KCND3: variants seen among roughly 807,000 people sequenced by gnomAD.
The protein encoded by KCND3 is A-type voltage-gated potassium channel KCND3.
A neutral mutation model predicts 51.1 loss-of-function variants in KCND3; 9 were observed. The ratio of observed to expected loss-of-function variants is 0.18; its 90% CI spans 0.11 to 0.31. The LOEUF (loss-of-function observed/expected upper bound fraction) is 0.31. Among genes scored for constraint, KCND3 ranks in the 10% least tolerant of loss-of-function variants. KCND3 has a pLI of 1.00. For missense variants in KCND3, 526 were observed against 903.8 expected, an observed-to-expected ratio of 0.58 and a Z score of 5.36; for synonymous variants, 349 against 368.0, an observed-to-expected ratio of 0.95 and a Z score of 0.59.
intron 2 of KCND3, among the ~76,000 whole-genome samples, chr1:111,879,405 C>G (rs1226760950): frequency 3.3e-5 from 5 of 152,182 alleles, no homozygotes; most frequent in Non-Finnish European, 7.3e-5. Context: ...CAAATGGCCC[C>G]TGAAATACAG....
chr1:111,839,349 C>T (rs750539879), intron 2 of KCND3, among the ~76,000 whole-genome samples: 3 of 152,190 alleles, frequency 2.0e-5, no homozygotes, highest in Middle Eastern at 3.2e-3. Flanking sequence ...TTTTATTTTC[C>T]TCACTCTTCT....
chr1:111,957,949 G>A (rs1425714597), intron 2 of KCND3, among the ~76,000 whole-genome samples: 2 of 152,208 alleles, frequency 1.3e-5, no homozygotes, highest in Non-Finnish European at 2.9e-5. Flanking sequence ...AAAGAGGGGG[G>A]AAAGCACTCT....
intron 2 of KCND3, among the ~76,000 whole-genome samples, chr1:111,963,026 T>C (rs1002463489): frequency 6.6e-6 from 1 of 152,124 alleles, no homozygotes; most frequent in Admixed American, 6.6e-5. Context: ...TCACCTCTCT[T>C]TGTTGCCCCA....
At chr1:111,838,429 G>A (rs983248746) in intron 2 of KCND3, among the ~76,000 whole-genome samples, 1 of 152,128 alleles carries the variant, frequency 6.6e-6, no homozygotes, top group Non-Finnish European at 1.5e-5. Flanking sequence ...AGGCCAAGGC[G>A]GGCGGATCAC....
At chr1:111,819,318 C>A (rs1176891319) in intron 2 of KCND3, among the ~76,000 whole-genome samples, 2 of 151,854 alleles carry the variant, frequency 1.3e-5, no homozygotes, top group African/African-American at 4.8e-5. Flanking sequence ...CTTCTTCCCT[C>A]TGAAGAACCA....
chr1:111,794,364 A>T lies in KCND3; in HGVS notation c.1107-7258T>A, dbSNP rs564155629. ...TTTTGCCTGCCTCTCAGGTGGGGGC[A>T]CGGCTGCCTGTGTGGTGGGGAGTCC... On this transcript the variant is annotated intron_variant, in intron 2 of 7. Coordinates refer to ENST00000302127, the MANE Select transcript of KCND3 (RefSeq NM_001378969.1). Among the ~76,000 whole-genome samples the T allele has an allele frequency of 3.9e-5, 6 of 152,322 alleles. No homozygotes were observed. In the East Asian group the frequency reaches 1.2e-3, roughly 29 times the overall value.
chr1:111,835,956 C>T (rs776165026), intron 2 of KCND3, among the ~76,000 whole-genome samples: 3 of 152,140 alleles, frequency 2.0e-5, no homozygotes, highest in Non-Finnish European at 4.4e-5. Flanking sequence ...GGATCAGAAC[C>T]CCTTTCTGGT....
At chr1:111,870,898 T>C (rs559467573) in intron 2 of KCND3, among the ~76,000 whole-genome samples, 2 of 152,252 alleles carry the variant, frequency 1.3e-5, no homozygotes, top group Admixed American at 1.3e-4. Flanking sequence ...CTAGTAGGGA[T>C]ATAACAGTAG....
intron 2 of KCND3, among the ~76,000 whole-genome samples, chr1:111,874,347 G>A (rs947388093): frequency 1.3e-5 from 2 of 152,136 alleles, no homozygotes; most frequent in Admixed American, 6.5e-5. Flanking sequence ...ATTCAAATAC[G>A]CTGTTCTTTC....
chr1:111,859,743 G>C (rs1668249935), intron 2 of KCND3, among the ~76,000 whole-genome samples: 3 of 152,152 alleles, frequency 2.0e-5, no homozygotes, highest in African/African-American at 7.2e-5. Flanking sequence ...TGAAAGCTGA[G>C]CCCTATTAAA....
intron 2 of KCND3, among the ~76,000 whole-genome samples, chr1:111,872,389 C>T (rs964644480): frequency 6.6e-6 from 1 of 152,190 alleles, no homozygotes; most frequent in African/African-American, 2.4e-5. Context: ...CACTGAAGAA[C>T]CTTGTTTAAT....
chr1:111,793,472 C>T (rs763303190), intron 2 of KCND3, among the ~76,000 whole-genome samples: 124 of 152,304 alleles, frequency 8.1e-4, no homozygotes, highest in Non-Finnish European at 1.5e-3. Context: ...CCACCGCGCC[C>T]GGCCAGAAGC....
At chr1:111,983,013 C>T (rs191262688) in intron 1 of KCND3, among the ~76,000 whole-genome samples, 43 of 152,196 alleles carry the variant, frequency 2.8e-4, no homozygotes, top group African/African-American at 9.6e-4. Flanking sequence ...AGGGTGGGAT[C>T]GCCAGATGTT....
chr1:111,817,898 G>T (rs1197491958), intron 2 of KCND3, among the ~76,000 whole-genome samples: 1 of 152,224 alleles, frequency 6.6e-6, no homozygotes, highest in Non-Finnish European at 1.5e-5. Flanking sequence ...ATAAGAAGCT[G>T]TAATTAGTTT....
At chr1:111,836,331 A>T (rs2101630575) in intron 2 of KCND3, among the ~76,000 whole-genome samples, 1 of 152,292 alleles carries the variant, frequency 6.6e-6, no homozygotes, top group East Asian at 1.9e-4. Flanking sequence ...GCAGCTTGGC[A>T]ATGACTCCCC....
chr1:111,952,440 TG>T (rs1673110450), intron 2 of KCND3, among the ~76,000 whole-genome samples: 1 of 152,152 alleles, frequency 6.6e-6, no homozygotes, highest in Non-Finnish European at 1.5e-5. Context: ...TTTTGGGGCC[TG>T]GGGCAACTTT....
Position 111,832,597 on chromosome 1 carries a change from G to A in KCND3, c.1107-45491C>T, listed in dbSNP as rs376674592. ...TCCAAGACAGTGCAGGGAAAGCTGA[G>A]CCCCTGGTCCTGCTGGTTACCTAGA... On this transcript the variant is annotated intron_variant, in intron 2 of 7. Transcript: ENST00000302127. 9.2e-5 allele frequency among the ~76,000 whole-genome samples: 14 copies of A among 152,170 alleles called. No homozygotes were observed. In the South Asian group the frequency reaches 2.7e-3, roughly 29 times the overall value.
At chr1:111,880,514 G>A (rs767603338) in intron 2 of KCND3, among the ~76,000 whole-genome samples, 13 of 152,198 alleles carry the variant, frequency 8.5e-5, no homozygotes, top group Admixed American at 2.0e-4. Context: ...ATCTCCTCCA[G>A]GACATGGACT....
At position 111,965,068 on chromosome 1, in the gene KCND3, C is replaced by A. The variant is rs573818021; in HGVS notation, c.1106+16553G>T. On this transcript the variant is annotated intron_variant, in intron 2 of 7. Coordinates refer to ENST00000302127, the MANE Select transcript of KCND3 (RefSeq NM_001378969.1). Reference sequence around the variant, plus strand: ...AGTCAAAAGCTTTGCTGCACCCCCCCAAACTGCCCCCAAACACTCATTTTT... The same window carrying A: ...AGTCAAAAGCTTTGCTGCACCCCCCAAAACTGCCCCCAAACACTCATTTTT... Among the ~76,000 whole-genome samples, 11 of 151,508 alleles carry A rather than the reference C, an allele frequency of 7.3e-5. No homozygotes were observed. In the East Asian group the frequency reaches 1.7e-3, roughly 24 times the overall value.
Sources: allele counts gnomAD v4.1 joint callset (sites outside exome capture counted in the v4.1 genomes callset), GRCh38; gene constraint gnomAD v4.1.1; transcripts MANE v1.5; gene names NCBI Gene and HGNC (gene_info 2026-07-23, HGNC 2026-07-21).